Variants in DRC7 observed in about 807,000 individuals in gnomAD.
DRC7 encodes dynein regulatory complex subunit 7.
Under a neutral mutation model 104.4 loss-of-function variants are expected in DRC7, and 80 were observed. The ratio of observed to expected loss-of-function variants is 0.77; its 90% CI spans 0.64 to 0.92. The LOEUF (loss-of-function observed/expected upper bound fraction) is 0.92. Ranked by LOEUF, DRC7 falls within the 40% of genes least tolerant of loss-of-function variation. The pLI is 0.00. For missense variants in DRC7, 1,034 were observed against 1,141.1 expected (o/e 0.91, Z 1.35); for synonymous variants, 405 against 447.3 (o/e 0.91, Z 1.19).
At chr16:57,712,233 G>A (rs1225823294) in intron 8 of DRC7, among the ~76,000 whole-genome samples, 2 of 152,162 alleles carry the variant, frequency 1.3e-5, no homozygotes, top group Admixed American at 6.6e-5. Context: ...GTGCAAAGGC[G>A]GTTTCAAGAG....
In DRC7 at chr16:57,731,312, C is replaced by A. The variant is rs1410104437; in HGVS notation, c.*54C>A. The A allele has an allele frequency of 3.6e-5, 51 of 1,421,180 alleles. No homozygotes were observed. The highest frequency in any genetic ancestry group is 1.8e-4 in the Middle Eastern group (1 of 5,486). 88.0% of individuals were successfully genotyped at this position (1,421,180 alleles called of 1,614,324 possible). A position where few individuals can be genotyped will look rare whatever the true frequency, so the allele number is the denominator to read the frequency against. On this transcript the variant is annotated 3_prime_UTR_variant, in exon 19 of 19. Coordinates refer to ENST00000360716, the MANE Select transcript of DRC7 (RefSeq NM_001289162.2). ...GCCAGAGAAAGGAAACCTCTTCCCG[C>A]AGCCTGGCTCCTGTGTTCCCTCTAT...
At position 57,724,819 on chromosome 16, in the gene DRC7, A is replaced by G; in HGVS notation, c.1742A>G (p.Asn581Ser). The G allele has an allele frequency of 6.2e-7, 1 of 1,613,100 alleles. No individual in the cohort carries two copies. The highest frequency in any genetic ancestry group is 8.5e-7 in the Non-Finnish European group (1 of 1,179,786). The change falls in exon 13 of 19, where the codon AAC (asparagine) becomes AGC (serine). Residue 581 changes from asparagine to serine, a missense_variant. By Grantham distance (46) the Asn-to-Ser change is conservative. Coordinates refer to ENST00000360716, the MANE Select transcript of DRC7 (RefSeq NM_001289162.2). ...KKLTLSSAES[N>S]PRPIVKITER... Reference sequence around the variant, plus strand: ...CTCACTCTGAGCAGTGCAGAGTCAAACCCCCGGCCCATTGTGGTAAGAGCT... The same window carrying G: ...CTCACTCTGAGCAGTGCAGAGTCAAGCCCCCGGCCCATTGTGGTAAGAGCT...
chr16:57,720,342 C>T (rs2048889642), intron 9 of DRC7, among the ~76,000 whole-genome samples: 2 of 152,198 alleles, frequency 1.3e-5, no homozygotes, highest in African/African-American at 4.8e-5. Context: ...GTGCTTGGCA[C>T]AGCAGTGTAG....
intron 8 of DRC7, among the ~76,000 whole-genome samples, chr16:57,709,566 GT>G (rs1369633519): frequency 6.6e-6 from 1 of 151,532 alleles, no homozygotes; most frequent in Non-Finnish European, 1.5e-5. Context: ...TATATCAAAT[GT>G]TTTTTTCATC....
intron 8 of DRC7, among the ~76,000 whole-genome samples, chr16:57,717,233 GTT>G (rs869088347): frequency 7.9e-6 from 1 of 126,888 alleles, no homozygotes; most frequent in African/African-American, 3.0e-5. Flanking sequence ...CCCACCTGCT[GTT>G]TTTTTTTTTT....
chr16:57,730,212 G>A (rs1320708670), intron 17 of DRC7, among the ~76,000 whole-genome samples: 1 of 143,764 alleles, frequency 7.0e-6, no homozygotes, highest in Non-Finnish European at 1.5e-5. Flanking sequence ...TGAATGGATG[G>A]ATGGGTGGAT....
chr16:57,722,719 A>C lies in DRC7; in HGVS notation c.1286A>C (p.Glu429Ala). The C allele has an allele frequency of 6.2e-7, 1 of 1,613,648 alleles. No individual in the cohort carries two copies. Among genetic ancestry groups the C allele is most frequent in the Non-Finnish European group, 8.5e-7 (1 of 1,179,966 alleles). The change falls in exon 11 of 19, where the codon GAG (glutamate) becomes GCG (alanine). Residue 429 changes from glutamate to alanine, a missense_variant. By Grantham distance (107) the Glu-to-Ala change is moderately radical. Transcript: ENST00000360716. ...EQIEISPEAF[E>A]TRCPNGKKVI... ...CAGCTGACTGTGTCCACAGCATTTGAGACCCGCTGCCCGAACGGGAAGAAG... is the reference window on the plus strand; with the variant it reads ...CAGCTGACTGTGTCCACAGCATTTGCGACCCGCTGCCCGAACGGGAAGAAG...
rs377738081 is a variant in DRC7 at position 57,698,144 on chromosome 16, G to A, written c.195G>A (p.Ala65=). The change falls in exon 3 of 19, where the codon GCG becomes GCA. Residue 65 remains alanine, a synonymous_variant. Coordinates refer to ENST00000360716, the MANE Select transcript of DRC7 (RefSeq NM_001289162.2). Reference sequence around the variant, plus strand: ...CAGAGATCCAGATCACTGTCTCAGCGGAGCTCCCGTGAGTGTGGCAGGGTG... The same window carrying A: ...CAGAGATCCAGATCACTGTCTCAGCAGAGCTCCCGTGAGTGTGGCAGGGTG... ...KLSEIQITVS[A]ELPAFTKDTI... The A allele has an allele frequency of 2.9e-5, 46 of 1,613,974 alleles. No homozygotes were observed. The highest frequency in any genetic ancestry group is 8.0e-5 in the African/African-American group (6 of 74,944).
chr16:57,713,542 T>C (rs1216874023), intron 8 of DRC7, among the ~76,000 whole-genome samples: 3 of 152,258 alleles, frequency 2.0e-5, no homozygotes, highest in African/African-American at 7.2e-5. Context: ...CTGATATTAA[T>C]ATAGCCACTG....
rs772133608 is a variant in DRC7, at chr16:57,704,925, C to A, written c.749C>A (p.Pro250His). 1.2e-6 allele frequency: 2 copies of A among 1,613,786 alleles called. No homozygotes were observed. The highest frequency in any genetic ancestry group is 1.3e-5 in the African/African-American group (1 of 75,006). ...KVLPKKYTIK[P>H]PRDLCSRFEQ... The stretch of plus-strand genomic sequence containing the variant: ...CTGCCTAAGAAGTATACCATCAAAC[C>A]CCCCAGGGACCTGTGCAGCAGGTTT... Residue 250 changes from proline to histidine, a missense_variant, in exon 7 of 19, where the codon CCC becomes CAC. Physicochemically the swap from Pro to His is moderately conservative, Grantham distance 77 (BLOSUM62 -2). Transcript: ENST00000360716.
rs2148771306 is a variant in DRC7, at chr16:57,726,343, C to T, written c.1974+60C>T. 3.5e-6 allele frequency: 5 copies of T among 1,423,238 alleles called. No homozygotes were observed. In the South Asian group the frequency reaches 5.9e-5, roughly 17 times the overall value. 88.2% of individuals were successfully genotyped at this position (1,423,238 alleles called of 1,614,324 possible). A position where few individuals can be genotyped will look rare whatever the true frequency, so the allele number is the denominator to read the frequency against. On this transcript the variant is annotated intron_variant, in intron 14 of 18. Transcript: ENST00000360716. ...TGCAGGAGGAACCGGGGCTCTCTGT[C>T]TTATTCCAGCCACTTGGGAGAACCA...
rs140582824 is a variant in DRC7 at position 57,715,646 on chromosome 16, T to G, written c.1078-2701T>G. 5.7e-3 allele frequency among the ~76,000 whole-genome samples: 871 copies of G among 152,336 alleles called. 8 individuals carry two copies. The highest frequency in any genetic ancestry group is 0.02 in the African/African-American group (841 of 41,588). On this transcript the variant is annotated intron_variant, in intron 8 of 18. Coordinates refer to ENST00000360716, the MANE Select transcript of DRC7 (RefSeq NM_001289162.2). ...GCTGTTCAATAAATGTTAACTATTGTTGCTCCCATCTTACAGGTAAGGAAA... is the reference window on the plus strand; with the variant it reads ...GCTGTTCAATAAATGTTAACTATTGGTGCTCCCATCTTACAGGTAAGGAAA...
chr16:57,725,932 C>T (rs4784008), intron 13 of DRC7, 136 bp from the exon 14 acceptor site: 111,653 of 708,202 alleles, frequency 0.16, 9,642 homozygotes, highest in East Asian at 0.28. Context: ...CTAGGAGGGG[C>T]TATTCCACGT....
chr16:57,705,812 T>A (rs1597797308), intron 7 of DRC7, among the ~76,000 whole-genome samples: 2 of 41,896 alleles, frequency 4.8e-5, no homozygotes, highest in African/African-American at 1.6e-4. Flanking sequence ...CCATTTCTCC[T>A]CCCATCCATC....
intron 8 of DRC7, among the ~76,000 whole-genome samples, chr16:57,708,678 G>A (rs570435175): frequency 1.1e-4 from 17 of 152,266 alleles, no homozygotes; most frequent in East Asian, 3.9e-4. Context: ...GATACTGCCC[G>A]ATTTCTCAAG....
intron 17 of DRC7, among the ~76,000 whole-genome samples, chr16:57,730,196 GATGGATGA>G (rs1459861697): frequency 1.4e-5 from 2 of 143,950 alleles, no homozygotes; most frequent in African/African-American, 2.7e-5. Context: ...TGGGTGAGTG[GATGGATGA>G]ATGGATGGAT....
intron 9 of DRC7, among the ~76,000 whole-genome samples, chr16:57,719,285 C>A (rs547587175): frequency 6.6e-6 from 1 of 152,160 alleles, no homozygotes; most frequent in Non-Finnish European, 1.5e-5. Flanking sequence ...TAAGTGCATT[C>A]GTCTGGCATC....
chr16:57,698,209 G>A (rs1235303117), intron 3 of DRC7, 57 bp downstream of exon 3: 4 of 1,608,910 alleles, frequency 2.5e-6, no homozygotes, highest in Admixed American at 1.7e-5. Flanking sequence ...GGCACAGGGA[G>A]ACCCAGGCAG....
At chr16:57,722,684 G>C in intron 10 of DRC7, 29 bp from the exon 11 acceptor site, 3 of 1,612,578 alleles carry the variant, frequency 1.9e-6, no homozygotes, top group Admixed American at 1.7e-5. Context: ...AAACTAGCAA[G>C]AAGAGACCAC....
Sources: gnomAD v4.1 joint callset for allele counts (sites outside exome capture counted in the v4.1 genomes callset) on GRCh38, gnomAD v4.1.1 for gene constraint, MANE v1.5 for transcripts, NCBI Gene and HGNC (gene_info 2026-07-23, HGNC 2026-07-21) for gene names.